ITCH: variants seen among roughly 807,000 people sequenced by gnomAD.
ITCH encodes the protein itchy E3 ubiquitin protein ligase.
ITCH carries 28 observed loss-of-function variants against 126.8 expected under a neutral mutation model. That is an observed-to-expected ratio of 0.22 (90% confidence interval 0.16 to 0.30). The LOEUF is 0.30. ITCH is among the 10% of genes least tolerant of loss of function. ITCH has a pLI of 1.00. For synonymous variants in ITCH, 342 were observed against 340.0 expected (o/e 1.01, Z -0.06); for missense variants, 631 against 1,032.4 (o/e 0.61, Z 5.33).
chr20:34,506,896 A>C (rs1377315133), intron 24 of ITCH, among the ~76,000 whole-genome samples: 1 of 152,230 alleles, frequency 6.6e-6, no homozygotes, highest in Non-Finnish European at 1.5e-5. Flanking sequence ...AGCATGTGTC[A>C]GCATTTCCTC....
chr20:34,495,316 T>C (rs6058063), intron 23 of ITCH, among the ~76,000 whole-genome samples: 22,900 of 132,138 alleles, frequency 0.17, 2,188 homozygotes, highest in South Asian at 0.37. Context: ...TATATATATA[T>C]ACACACGCAC....
intron 6 of ITCH, among the ~76,000 whole-genome samples, chr20:34,414,788 C>T (rs1048129272): frequency 6.6e-6 from 1 of 152,072 alleles, no homozygotes; most frequent in Non-Finnish European, 1.5e-5. Flanking sequence ...CCTCTAAATC[C>T]TTCTTAACAC....
chr20:34,436,903 G>C (rs956770358), intron 7 of ITCH, among the ~76,000 whole-genome samples: 1 of 152,168 alleles, frequency 6.6e-6, no homozygotes, highest in Non-Finnish European at 1.5e-5. Flanking sequence ...AAGGAGGGAG[G>C]ATTGCTTGAG....
chr20:34,390,884 T>G (rs997153772), intron 2 of ITCH, among the ~76,000 whole-genome samples: 2 of 151,892 alleles, frequency 1.3e-5, no homozygotes, highest in African/African-American at 4.8e-5. Context: ...TCCGAGTAGC[T>G]GGAATTACAA....
chr20:34,448,392 CAA>C (rs1349817852), intron 11 of ITCH, among the ~76,000 whole-genome samples: 1 of 128,372 alleles, frequency 7.8e-6, no homozygotes, highest in Admixed American at 7.9e-5. Context: ...GACTCCATCT[CAA>C]AAAAAAAAAG....
At chr20:34,407,933 G>T (rs1473477958) in intron 3 of ITCH, among the ~76,000 whole-genome samples, 2 of 152,218 alleles carry the variant, frequency 1.3e-5, no homozygotes, top group Non-Finnish European at 2.9e-5. Context: ...TAGGCATTCA[G>T]ATGTTTGTTG....
intron 16 of ITCH, among the ~76,000 whole-genome samples, chr20:34,473,534 A>G (rs1431890708): frequency 6.6e-6 from 1 of 152,230 alleles, no homozygotes; most frequent in Non-Finnish European, 1.5e-5. Flanking sequence ...CAGGACAGAG[A>G]AACACAATTC....
At chr20:34,468,350 GA>G (rs374151227) in intron 14 of ITCH, among the ~76,000 whole-genome samples, 78 of 145,594 alleles carry the variant, frequency 5.4e-4, no homozygotes, top group African/African-American at 1.6e-3. Flanking sequence ...ATTTTTATTG[GA>G]AAAAAAAAAT....
At chr20:34,451,595 G>T (rs1985255038) in intron 12 of ITCH, among the ~76,000 whole-genome samples, 1 of 152,162 alleles carries the variant, frequency 6.6e-6, no homozygotes, top group African/African-American at 2.4e-5. Flanking sequence ...TAGAAGAGGG[G>T]ATGTTGCCCT....
chr20:34,489,416 C>G lies in ITCH; in HGVS notation c.2214+30C>G, dbSNP rs777530759. 8 of 1,598,566 alleles carry G rather than the reference C, an allele frequency of 5.0e-6. No individual in the cohort carries two copies. The East Asian group carries it at 1.1e-4, about 22-fold the overall frequency. On this transcript the variant is annotated intron_variant, in intron 21 of 24. Coordinates refer to ENST00000374864, the MANE Select transcript of ITCH (RefSeq NM_031483.7). Reference sequence around the variant, plus strand: ...TGAATTTTCCTTCATTCCCCTGTACCATGCTAGTAAATAATGCCTTAAGTT... The same window carrying G: ...TGAATTTTCCTTCATTCCCCTGTACGATGCTAGTAAATAATGCCTTAAGTT...
At position 34,480,587 on chromosome 20, in the gene ITCH, C is replaced by G; in HGVS notation, c.1819-12C>G. ...CAGTTATTTTAAGCGGTCTTGTTTC[C>G]TTTTTTCATAGGCTCTGTTCCATGG... On this transcript the variant is annotated splice_polypyrimidine_tract_variant and intron_variant, in intron 18 of 24. Coordinates refer to ENST00000374864, the MANE Select transcript of ITCH (RefSeq NM_031483.7). The G allele has an allele frequency of 6.2e-7, 1 of 1,613,164 alleles. No individual in the cohort carries two copies. The highest frequency in any genetic ancestry group is 8.5e-7 in the Non-Finnish European group (1 of 1,179,416).
rs754511750 is a variant in ITCH, at chr20:34,408,635, C to T, written c.71-16C>T. 7 of 1,605,508 alleles carry T rather than the reference C, an allele frequency of 4.4e-6. No individual in the cohort carries two copies. The highest frequency in any genetic ancestry group is 6.0e-6 in the Non-Finnish European group (7 of 1,172,644). On this transcript the variant is annotated splice_polypyrimidine_tract_variant and intron_variant, in intron 3 of 24. Coordinates refer to ENST00000374864, the MANE Select transcript of ITCH (RefSeq NM_031483.7). ...ACATCTCAACTATTGAAATGTTTTT[C>T]ATTTCTTTTACATAGTCATCTCAGC...
At chr20:34,482,190 G>C (rs1249763706) in intron 20 of ITCH, among the ~76,000 whole-genome samples, 1 of 152,154 alleles carries the variant, frequency 6.6e-6, no homozygotes, top group Non-Finnish European at 1.5e-5. Flanking sequence ...TGAGGACACA[G>C]AGCCAAACCA....
At chr20:34,445,761 T>C (rs1984382330) in intron 11 of ITCH, among the ~76,000 whole-genome samples, 1 of 152,198 alleles carries the variant, frequency 6.6e-6, no homozygotes, top group Admixed American at 6.5e-5. Flanking sequence ...CCAAGCAGCT[T>C]GAAAATAATT....
At chr20:34,373,272 C>T (rs897125710) in intron 2 of ITCH, among the ~76,000 whole-genome samples, 9 of 151,166 alleles carry the variant, frequency 6.0e-5, no homozygotes, top group Non-Finnish European at 1.0e-4. Flanking sequence ...TGCACCTGGC[C>T]AAATGTATTT....
intron 23 of ITCH, among the ~76,000 whole-genome samples, chr20:34,495,503 G>A (rs1202949249): frequency 1.3e-5 from 2 of 151,626 alleles, no homozygotes; most frequent in African/African-American, 2.4e-5. Flanking sequence ...CTATGAGATC[G>A]GCTTTCTTAG....
At chr20:34,406,100 C>A (rs947560719) in intron 3 of ITCH, among the ~76,000 whole-genome samples, 1 of 151,916 alleles carries the variant, frequency 6.6e-6, no homozygotes, top group Non-Finnish European at 1.5e-5. Flanking sequence ...CAGCTCACTG[C>A]AGCCTTGACC....
chr20:34,451,888 C>T (rs983994825), intron 12 of ITCH, among the ~76,000 whole-genome samples: 4 of 151,488 alleles, frequency 2.6e-5, no homozygotes, highest in Admixed American at 1.3e-4. Context: ...GGCAACATAG[C>T]GAAAACCTGT....
chr20:34,449,992 C>T (rs1489692555), intron 12 of ITCH, among the ~76,000 whole-genome samples: 1 of 152,072 alleles, frequency 6.6e-6, no homozygotes. Flanking sequence ...ATGATTCCAT[C>T]ATCTTGATTC....
Sources: allele counts gnomAD v4.1 joint callset (sites outside exome capture counted in the v4.1 genomes callset), GRCh38; gene constraint gnomAD v4.1.1; transcripts MANE v1.5; gene names NCBI Gene and HGNC (gene_info 2026-07-23, HGNC 2026-07-21).